The following HS6ST3 variants were observed in gnomAD, a reference collection of about 807,000 sequenced individuals.
HS6ST3 encodes heparan-sulfate 6-O-sulfotransferase 3.
HS6ST3 carries 12 observed loss-of-function variants against 36.7 expected under a neutral mutation model. That is an observed-to-expected ratio of 0.33 (90% CI 0.21 to 0.53). The LOEUF is 0.53. Ranked by LOEUF, HS6ST3 falls within the 20% of genes least tolerant of loss-of-function variation. HS6ST3 has a pLI of 0.95. For synonymous variants in HS6ST3, 240 were observed against 257.5 expected (o/e 0.93, Z 0.65); for missense variants, 584 against 640.9 (o/e 0.91, Z 0.96).
intron 1 of HS6ST3, among the ~76,000 whole-genome samples, chr13:96,393,753 G>T (rs1044031230): frequency 6.6e-6 from 1 of 152,146 alleles, no homozygotes; most frequent in Non-Finnish European, 1.5e-5. Flanking sequence ...AGGGAGATGG[G>T]CTTGTTTAAA....
At chr13:96,805,634 C>T (rs571258283) in intron 1 of HS6ST3, among the ~76,000 whole-genome samples, 2 of 152,196 alleles carry the variant, frequency 1.3e-5, no homozygotes, top group East Asian at 3.9e-4. Context: ...CATCTTAAAC[C>T]CTATGAGCTA....
chr13:96,450,246 T>C (rs1334655181), intron 1 of HS6ST3, among the ~76,000 whole-genome samples: 3 of 152,308 alleles, frequency 2.0e-5, no homozygotes, highest in South Asian at 4.1e-4. Flanking sequence ...CAATTGGCTT[T>C]TTATCAGTTT....
Position 96,799,965 on chromosome 13 carries a change from T to C in HS6ST3, c.708-32525T>C, listed in dbSNP as rs1297428890. ...GTGTGTATATATATATATATATATG[T>C]GTATATATATATATATGTATATATA... On this transcript the variant is annotated intron_variant, in intron 1 of 1. Transcript: ENST00000376705. Among the ~76,000 whole-genome samples the C allele has an allele frequency of 1.2e-3, 76 of 65,196 alleles. 1 individual carries two copies. The highest frequency in any genetic ancestry group is 9.2e-3 in the African/African-American group (69 of 7,524). 42.8% of individuals were successfully genotyped at this position (65,196 alleles called of 152,430 possible).
chr13:96,307,669 T>C (rs1414719876), intron 1 of HS6ST3, among the ~76,000 whole-genome samples: 1 of 152,110 alleles, frequency 6.6e-6, no homozygotes, highest in Non-Finnish European at 1.5e-5. Flanking sequence ...GCAGTAAATA[T>C]TATATGAATA....
At chr13:96,130,721 C>T (rs1354144866) in intron 1 of HS6ST3, among the ~76,000 whole-genome samples, 2 of 152,146 alleles carry the variant, frequency 1.3e-5, no homozygotes, top group African/African-American at 4.8e-5. Flanking sequence ...GCTTTTCAGT[C>T]AGCTCTCTAG....
chr13:96,327,612 G>C (rs910952508), intron 1 of HS6ST3, among the ~76,000 whole-genome samples: 6 of 151,718 alleles, frequency 4.0e-5, no homozygotes, highest in African/African-American at 1.5e-4. Context: ...GTCAGGTAGC[G>C]TGATGCCTCC....
chr13:96,647,323 A>G (rs929282762), intron 1 of HS6ST3, among the ~76,000 whole-genome samples: 5 of 152,194 alleles, frequency 3.3e-5, no homozygotes, highest in South Asian at 4.1e-4. Flanking sequence ...GTGATATCAC[A>G]TGTCTGGTTA....
chr13:96,231,214 G>A (rs2054506515), intron 1 of HS6ST3, among the ~76,000 whole-genome samples: 1 of 152,098 alleles, frequency 6.6e-6, no homozygotes, highest in Admixed American at 6.6e-5. Flanking sequence ...TGATCCTGTG[G>A]GAATCTTGCT....
intron 1 of HS6ST3, among the ~76,000 whole-genome samples, chr13:96,532,397 C>T (rs1288414244): frequency 1.3e-5 from 2 of 152,200 alleles, no homozygotes; most frequent in African/African-American, 4.8e-5. Flanking sequence ...AAATGTGTTG[C>T]ACACTCTCAA....
chr13:96,688,420 G>A (rs1040408135), intron 1 of HS6ST3, among the ~76,000 whole-genome samples: 20 of 151,874 alleles, frequency 1.3e-4, no homozygotes, highest in Non-Finnish European at 2.6e-4. Context: ...AGCTGGTGGC[G>A]TGAACAGGCA....
At chr13:96,253,904 G>A (rs1006681411) in intron 1 of HS6ST3, among the ~76,000 whole-genome samples, 1 of 152,118 alleles carries the variant, frequency 6.6e-6, no homozygotes. Flanking sequence ...CAAAAAGAAG[G>A]CATTGCATAC....
At chr13:96,646,950 A>G (rs75487515) in intron 1 of HS6ST3, among the ~76,000 whole-genome samples, 1,844 of 152,098 alleles carry the variant, frequency 0.012, 33 homozygotes, top group African/African-American at 0.042. Context: ...GCGAGCATTC[A>G]ACTACAATTT....
intron 1 of HS6ST3, among the ~76,000 whole-genome samples, chr13:96,500,735 A>C (rs1408886196): frequency 6.6e-6 from 1 of 152,192 alleles, no homozygotes; most frequent in Admixed American, 6.5e-5. Context: ...CATTTAATAA[A>C]TTATCACTCT....
At chr13:96,138,033 C>T (rs1382382707) in intron 1 of HS6ST3, among the ~76,000 whole-genome samples, 2 of 152,090 alleles carry the variant, frequency 1.3e-5, no homozygotes, top group Non-Finnish European at 1.5e-5. Flanking sequence ...TAACAGTTTA[C>T]CTAATTTTGC....
chr13:96,253,584 C>A (rs955259469), intron 1 of HS6ST3, among the ~76,000 whole-genome samples: 1 of 152,172 alleles, frequency 6.6e-6, no homozygotes, highest in African/African-American at 2.4e-5. Flanking sequence ...CAGTATTTCT[C>A]TGGAGAGATG....
chr13:96,340,635 C>T (rs2055125451), intron 1 of HS6ST3, among the ~76,000 whole-genome samples: 3 of 152,212 alleles, frequency 2.0e-5, no homozygotes. Context: ...TCAGGTTTCC[C>T]AAGCATGCCA....
In HS6ST3 at chr13:96,725,370, T is replaced by C. The variant is rs144674356; in HGVS notation, c.708-107120T>C. Among the ~76,000 whole-genome samples, 353 of 152,328 alleles carry C rather than the reference T, an allele frequency of 2.3e-3. 3 individuals are homozygous for C. Among genetic ancestry groups the C allele is most frequent in the Non-Finnish European group, 3.8e-4 (26 of 68,020 alleles). On this transcript the variant is annotated intron_variant, in intron 1 of 1. Coordinates refer to ENST00000376705, the MANE Select transcript of HS6ST3 (RefSeq NM_153456.4). ...CTTGAAGAGAAGAATTTTTAAATTTTGAGTAAGTGAAGTTAATCATATTTT... is the reference window on the plus strand; with the variant it reads ...CTTGAAGAGAAGAATTTTTAAATTTCGAGTAAGTGAAGTTAATCATATTTT...
At chr13:96,755,108 A>G (rs1876792147) in intron 1 of HS6ST3, among the ~76,000 whole-genome samples, 1 of 152,088 alleles carries the variant, frequency 6.6e-6, no homozygotes, top group Non-Finnish European at 1.5e-5. Context: ...CTCCAACTTA[A>G]TATATACATT....
At chr13:96,228,599 A>C (rs1424460419) in intron 1 of HS6ST3, among the ~76,000 whole-genome samples, 1 of 152,170 alleles carries the variant, frequency 6.6e-6, no homozygotes, top group African/African-American at 2.4e-5. Context: ...TTATGCAACC[A>C]TCTAGAAATA....
Sources: allele counts gnomAD v4.1 joint callset (sites outside exome capture counted in the v4.1 genomes callset), GRCh38; gene constraint gnomAD v4.1.1; transcripts MANE v1.5; gene names NCBI Gene and HGNC (gene_info 2026-07-23, HGNC 2026-07-21).